Variants in FAR2 observed in about 807,000 individuals in gnomAD.
FAR2 encodes epididymis secretory protein Li 81.
FAR2 carries 19 observed loss-of-function variants against 56.0 expected under a neutral mutation model. The ratio of observed to expected loss-of-function variants is 0.34; its 90% CI spans 0.24 to 0.50. The LOEUF (loss-of-function observed/expected upper bound fraction) is 0.50, where lower values mean the gene tolerates loss of function less well. Among genes scored for constraint, FAR2 ranks in the 20% least tolerant of loss-of-function variants. The pLI, the probability that FAR2 is intolerant of heterozygous loss-of-function variation, is 0.98. For missense variants in FAR2, 508 were observed against 642.2 expected, an observed-to-expected ratio of 0.79 and a Z score of 2.26; for synonymous variants, 219 against 218.8, an observed-to-expected ratio of 1.00 and a Z score of -0.01.
chr12:29,197,326 T>C lies in FAR2; in HGVS notation c.-39+47919T>C, dbSNP rs555359367. ...AGCTAATACCACCCTGTTAAAGAGATGTACAGTCTTACACTTACAGGAATA... is the reference window on the plus strand; with the variant it reads ...AGCTAATACCACCCTGTTAAAGAGACGTACAGTCTTACACTTACAGGAATA... On this transcript the variant is annotated intron_variant, in intron 1 of 11. Coordinates refer to ENST00000536681, the MANE Select transcript of FAR2 (RefSeq NM_001271783.2). 5.9e-5 allele frequency among the ~76,000 whole-genome samples: 9 copies of C among 152,318 alleles called. No individual in the cohort carries two copies. The East Asian group carries it at 1.7e-3, about 29-fold the overall frequency.
At chr12:29,205,336 G>A (rs1484751415) in intron 1 of FAR2, among the ~76,000 whole-genome samples, 3 of 152,192 alleles carry the variant, frequency 2.0e-5, no homozygotes, top group African/African-American at 7.2e-5. Context: ...TCTAGTCTCA[G>A]CAAAGAACAT....
At chr12:29,333,514 A>G (rs1216255047) in intron 11 of FAR2, 118 bp from the exon 12 acceptor site, 31 of 919,998 alleles carry the variant, frequency 3.4e-5, no homozygotes, top group Non-Finnish European at 4.8e-5. Context: ...TATATCAAAT[A>G]CTCTGAGCAC....
At chr12:29,332,098 A>C (rs987332907) in intron 10 of FAR2, among the ~76,000 whole-genome samples, 4 of 152,098 alleles carry the variant, frequency 2.6e-5, no homozygotes, top group Non-Finnish European at 5.9e-5. Flanking sequence ...TCTTAAATAT[A>C]AATTCTGGTA....
intron 1 of FAR2, among the ~76,000 whole-genome samples, chr12:29,204,234 T>A (rs11050122): frequency 0.18 from 27,239 of 151,686 alleles, 2,543 homozygotes; most frequent in Non-Finnish European, 0.21. Flanking sequence ...TTTTTCACAT[T>A]TTTTTTTCAA....
chr12:29,249,911 A>G (rs910950568), intron 1 of FAR2, among the ~76,000 whole-genome samples: 9 of 152,306 alleles, frequency 5.9e-5, no homozygotes, highest in African/African-American at 2.2e-4. Flanking sequence ...GGGAATGTTC[A>G]TTAAAATGCA....
chr12:29,290,299 G>A (rs1329082844), intron 2 of FAR2, among the ~76,000 whole-genome samples: 4 of 151,898 alleles, frequency 2.6e-5, no homozygotes, highest in Non-Finnish European at 5.9e-5. Flanking sequence ...TACAAAAATT[G>A]GCCAGACATG....
chr12:29,168,926 G>T (rs1448977347), intron 1 of FAR2, among the ~76,000 whole-genome samples: 2 of 152,094 alleles, frequency 1.3e-5, no homozygotes, highest in Non-Finnish European at 2.9e-5. Flanking sequence ...AGCGTTGATT[G>T]GTCCATTTTA....
At chr12:29,172,448 C>G (rs1190288421) in intron 1 of FAR2, among the ~76,000 whole-genome samples, 1 of 152,200 alleles carries the variant, frequency 6.6e-6, no homozygotes, top group Non-Finnish European at 1.5e-5. Context: ...GGTGATTGGC[C>G]TGCTCCATTT....
intron 1 of FAR2, among the ~76,000 whole-genome samples, chr12:29,170,968 G>A (rs1249629893): frequency 6.6e-6 from 1 of 152,248 alleles, no homozygotes; most frequent in Non-Finnish European, 1.5e-5. Context: ...CCAGAGGTTA[G>A]GAACTCCCTT....
At chr12:29,241,095 G>A (rs1004389847) in intron 1 of FAR2, among the ~76,000 whole-genome samples, 4 of 152,032 alleles carry the variant, frequency 2.6e-5, no homozygotes, top group African/African-American at 7.2e-5. Flanking sequence ...CATAAGCCAC[G>A]CACCCGGCCT....
chr12:29,286,418 C>T (rs954959151), intron 2 of FAR2, among the ~76,000 whole-genome samples: 1 of 152,184 alleles, frequency 6.6e-6, no homozygotes, highest in Non-Finnish European at 1.5e-5. Flanking sequence ...TCCTCGATGA[C>T]AATATCATGA....
In FAR2 at chr12:29,249,319, C is replaced by T. The variant is rs1394614241; in HGVS notation, c.-38-21093C>T. ...CCTCCGTTTGGGGTCCCTGACTTCC[C>T]GCAACAGTTTTTCATGCAATAGTAG... On this transcript the variant is annotated intron_variant, in intron 1 of 11. Coordinates refer to ENST00000536681, the MANE Select transcript of FAR2 (RefSeq NM_001271783.2). Among the ~76,000 whole-genome samples the T allele has an allele frequency of 5.9e-5, 9 of 152,142 alleles. No individual in the cohort carries two copies. In the South Asian group the frequency reaches 6.2e-4, roughly 11 times the overall value.
chr12:29,232,123 G>A (rs1238083278), intron 1 of FAR2, among the ~76,000 whole-genome samples: 10 of 152,110 alleles, frequency 6.6e-5, no homozygotes, highest in Admixed American at 6.5e-4. Flanking sequence ...ATAAGATGAG[G>A]GTCCCAAGAC....
chr12:29,310,928 T>TC, intron 6 of FAR2, 100 bp from the exon 7 acceptor site: 1 of 861,526 alleles, frequency 1.2e-6, no homozygotes, highest in Non-Finnish European at 1.9e-6. Context: ...TTAGCTGTTT[T>TC]CACTTATTGC....
intron 1 of FAR2, among the ~76,000 whole-genome samples, chr12:29,216,288 G>A (rs911597568): frequency 6.6e-6 from 1 of 152,180 alleles, no homozygotes; most frequent in Admixed American, 6.5e-5. Flanking sequence ...CCCACCCAAT[G>A]ACTGCTCTAT....
chr12:29,285,530 G>A (rs1372634778), intron 2 of FAR2, among the ~76,000 whole-genome samples: 2 of 151,936 alleles, frequency 1.3e-5, no homozygotes, highest in African/African-American at 4.8e-5. Context: ...TTACTTTAAG[G>A]AAGGAAGGAA....
intron 1 of FAR2, among the ~76,000 whole-genome samples, chr12:29,239,896 A>C (rs1443811076): frequency 2.6e-5 from 4 of 152,166 alleles, no homozygotes; most frequent in Non-Finnish European, 5.9e-5. Flanking sequence ...CCATGTTTTA[A>C]AACAGAAAGA....
chr12:29,285,202 C>T (rs1026448922), intron 2 of FAR2, among the ~76,000 whole-genome samples: 1 of 112,112 alleles, frequency 8.9e-6, no homozygotes, highest in African/African-American at 4.1e-5. Context: ...AAAGTGTGTT[C>T]ATGCTTCGCT....
At chr12:29,282,547 G>A (rs2015599) in intron 2 of FAR2, among the ~76,000 whole-genome samples, 76,432 of 151,920 alleles carry the variant, frequency 0.5, 20,017 homozygotes, top group African/African-American at 0.66. Flanking sequence ...CTAACTCACT[G>A]CAAGTACTAC....
Sources: gnomAD v4.1 joint callset for allele counts (sites outside exome capture counted in the v4.1 genomes callset) on GRCh38, gnomAD v4.1.1 for gene constraint, MANE v1.5 for transcripts, NCBI Gene and HGNC (gene_info 2026-07-23, HGNC 2026-07-21) for gene names.